The following SEC16A variants were observed in gnomAD, a reference collection of about 807,000 sequenced individuals.
The protein encoded by SEC16A is protein transport protein Sec16A.
A neutral mutation model predicts 221.9 loss-of-function variants in SEC16A; 110 were observed. That is an observed-to-expected ratio of 0.50 (90% confidence interval 0.42 to 0.58). The LOEUF is 0.58. Ranked by LOEUF, SEC16A falls within the 20% of genes least tolerant of loss-of-function variation. SEC16A has a pLI of 0.00. For missense variants in SEC16A, 3,165 were observed against 3,097.8 expected, an observed-to-expected ratio of 1.02 and a Z score of -0.52; for synonymous variants, 1,393 against 1,257.7, an observed-to-expected ratio of 1.11 and a Z score of -2.28.
chr9:136,473,996 A>G (rs1211088110), intron 3 of SEC16A, 53 bp downstream of exon 3: 1 of 1,534,288 alleles, frequency 6.5e-7, no homozygotes, highest in Non-Finnish European at 8.8e-7. Flanking sequence ...GTGAGACTCA[A>G]CTGGTCAAAG....
At chr9:136,481,234 C>A (rs1487269268) in intron 1 of SEC16A, among the ~76,000 whole-genome samples, 1 of 143,704 alleles carries the variant, frequency 7.0e-6, no homozygotes, top group Non-Finnish European at 1.5e-5. Context: ...CCCCGGGGTT[C>A]ACGCCATTCT....
chr9:136,481,123 TTTA>T (rs1842273313), intron 1 of SEC16A, among the ~76,000 whole-genome samples: 1 of 146,464 alleles, frequency 6.8e-6, no homozygotes, highest in African/African-American at 2.5e-5. Context: ...TACAGGGAAT[TTTA>T]TTCTTTTTTT....
rs2131725039 is a variant in SEC16A, at chr9:136,443,866, G to A, written c.6962C>T (p.Pro2321Leu). The change falls in exon 31 of 32, where the codon CCC becomes CTC. Residue 2321 changes from proline (P) to leucine (L), a missense_variant. Physicochemically the swap from Pro to Leu is moderately conservative, Grantham distance 98. This residue lies in a region of SEC16A where 1,088 missense variants were observed against 1,089.6 expected (regional missense o/e 1.00). Coordinates refer to ENST00000684901, the MANE Select transcript of SEC16A (RefSeq NM_014866.2). ...GTTGTAGAAGGGCATGGCCCCGCTG[G>A]GAGGGCCCCCTGCAGCAGGGAGGTC... ...PGDLPAAGGP[P>L]SGAMPFYNPA... 6.2e-7 allele frequency: 1 copy of A among 1,611,520 alleles called. No homozygotes were observed. The highest frequency in any genetic ancestry group is 8.5e-7 in the Non-Finnish European group (1 of 1,178,954).
chr9:136,446,449 T>A (rs1027209251), intron 28 of SEC16A, among the ~76,000 whole-genome samples: 1 of 150,408 alleles, frequency 6.6e-6, no homozygotes, highest in African/African-American at 2.4e-5. Context: ...CATTTGTTTT[T>A]TGTTTTTTTT....
At chr9:136,472,314 C>T (rs969573222) in intron 3 of SEC16A, among the ~76,000 whole-genome samples, 1 of 152,256 alleles carries the variant, frequency 6.6e-6, no homozygotes, top group Non-Finnish European at 1.5e-5. Flanking sequence ...CCCTCATACA[C>T]AACCACACAG....
intron 13 of SEC16A, among the ~76,000 whole-genome samples, chr9:136,460,628 A>G (rs1839351613): frequency 6.6e-6 from 1 of 150,592 alleles, no homozygotes; most frequent in Non-Finnish European, 1.5e-5. Flanking sequence ...GTAAAAGATA[A>G]GGCCAGGTAT....
intron 17 of SEC16A, 135 bp downstream of exon 17, chr9:136,458,999 C>G: frequency 1.8e-6 from 1 of 557,240 alleles, no homozygotes. Context: ...GATCAAATGT[C>G]TTCTCAAGAT....
rs993013345 is a variant in SEC16A, at chr9:136,452,767, G to C, written c.6159+661C>G. Reference sequence around the variant, plus strand: ...GGCGACAGAGCGAAACTATGTCTTAGGGAAAAAAAAAAAAAAAAAAAAAGG... The same window carrying C: ...GGCGACAGAGCGAAACTATGTCTTACGGAAAAAAAAAAAAAAAAAAAAAGG... On this transcript the variant is annotated intron_variant, in intron 22 of 31. Transcript: ENST00000684901. 5.9e-5 allele frequency among the ~76,000 whole-genome samples: 5 copies of C among 85,328 alleles called. No homozygotes were observed. The Admixed American group carries it at 7.7e-4, about 13-fold the overall frequency. 56.0% of individuals were successfully genotyped at this position (85,328 alleles called of 152,430 possible).
At chr9:136,454,797 G>A (rs538675601) in intron 20 of SEC16A, among the ~76,000 whole-genome samples, 9 of 152,368 alleles carry the variant, frequency 5.9e-5, no homozygotes, top group Admixed American at 2.0e-4. Context: ...CATGGGGGTC[G>A]GGACAGATGA....
Position 136,476,146 on chromosome 9 carries a change from C to A in SEC16A, c.1470G>T (p.Gly490=), listed in dbSNP as rs753066804. The A allele has an allele frequency of 1.2e-6, 2 of 1,613,700 alleles. No homozygotes were observed. The highest frequency in any genetic ancestry group is 2.7e-5 in the African/African-American group (2 of 74,918). Residue 490 remains glycine (G), a synonymous_variant, in exon 3 of 32, where the codon GGG becomes GGT. Transcript: ENST00000684901. ...PSSPSDQFRY[G]PLPGPAVPRH... ...TGGGCACAGCTGGCCCAGGAAGGGGCCCATATCTGAACTGGTCACTCGGGG... is the reference window on the plus strand; with the variant it reads ...TGGGCACAGCTGGCCCAGGAAGGGGACCATATCTGAACTGGTCACTCGGGG...
rs755766327 is a variant in SEC16A, at chr9:136,466,451, C to G, written c.3941G>C (p.Arg1314Pro). 6.2e-7 allele frequency: 1 copy of G among 1,604,388 alleles called. No individual in the cohort carries two copies. The highest frequency in any genetic ancestry group is 8.5e-7 in the Non-Finnish European group (1 of 1,175,352). Residue 1314 changes from arginine to proline, a missense_variant, in exon 7 of 32, where the codon CGT becomes CCT. Arg to Pro is a moderately radical substitution (Grantham distance 103, BLOSUM62 -2). Coordinates refer to ENST00000684901, the MANE Select transcript of SEC16A (RefSeq NM_014866.2). The surrounding 1 kb of genome is among the most constrained non-coding windows in gnomAD (Gnocchi z 5.5). ...AGGATCGTACCTCCAGTTGTTGTCA[C>G]GTTTCTCGGGCCTAGAGGAAGCCGG... ...HSAFGDRPEK[R>P]DNNWRYDPRF...
At position 136,445,633 on chromosome 9, in the gene SEC16A, G is replaced by T; in HGVS notation, c.6867+12C>A. 1 of 1,547,424 alleles carries T rather than the reference G, an allele frequency of 6.5e-7. No individual in the cohort carries two copies. The highest frequency in any genetic ancestry group is 1.4e-5 in the African/African-American group (1 of 73,038). On this transcript the variant is annotated intron_variant, in intron 29 of 31. Coordinates refer to ENST00000684901, the MANE Select transcript of SEC16A (RefSeq NM_014866.2). Reference sequence around the variant, plus strand: ...CTGGGCTGCGGGGGGCCCTGGCGTCGGCACTCCTTACCTCTCCTCCCTGGG... The same window carrying T: ...CTGGGCTGCGGGGGGCCCTGGCGTCTGCACTCCTTACCTCTCCTCCCTGGG...
At chr9:136,444,890 A>AC (rs1836733264) in intron 30 of SEC16A, among the ~76,000 whole-genome samples, 162 bp downstream of exon 30, 1 of 151,886 alleles carries the variant, frequency 6.6e-6, no homozygotes, top group South Asian at 2.1e-4. Context: ...AAAAAAAAAA[A>AC]AAAAAAAAAA....
At chr9:136,483,155 C>G (rs536513754), upstream of SEC16A, 7 of 352,808 alleles carry the variant, frequency 2.0e-5, no homozygotes, top group South Asian at 7.8e-4. Context: ...TCTCTTTCAG[C>G]CCTTCACAGC....
At position 136,477,843 on chromosome 9, in the gene SEC16A, C is replaced by T. The variant is rs528601541; in HGVS notation, c.-69-159G>A. On this transcript the variant is annotated intron_variant, in intron 2 of 31. Coordinates refer to ENST00000684901, the MANE Select transcript of SEC16A (RefSeq NM_014866.2). Reference sequence around the variant, plus strand: ...CTACACCCCACCCCAGCAGAGAACACCTGTCCCTGAGGAACTGTTCTGGGG... The same window carrying T: ...CTACACCCCACCCCAGCAGAGAACATCTGTCCCTGAGGAACTGTTCTGGGG... Among the ~76,000 whole-genome samples, 9 of 152,300 alleles carry T rather than the reference C, an allele frequency of 5.9e-5. No individual in the cohort carries two copies. In the South Asian group the frequency reaches 1.7e-3, roughly 28 times the overall value.
At chr9:136,455,284 G>C (rs773782211) in intron 20 of SEC16A, among the ~76,000 whole-genome samples, 1 of 152,194 alleles carries the variant, frequency 6.6e-6, no homozygotes, top group African/African-American at 2.4e-5. Flanking sequence ...GCCCAGACAC[G>C]GTGCGGCTGA....
At position 136,441,769 on chromosome 9, in the gene SEC16A, G is replaced by A. The variant is rs764783864; in HGVS notation, c.7060C>T (p.Leu2354=). 3.1e-6 allele frequency: 5 copies of A among 1,613,452 alleles called. No homozygotes were observed. In the South Asian group the frequency reaches 5.5e-5, roughly 18 times the overall value. ...RLGRIGQRKH[L]VLN is the part of the protein sequence containing the mutation. ...GCAGGGCAAGCCTAGTTCAGCACCA[G>A]GTGCTTCCTCTGGCCAATCCTCCCT... Residue 2354 remains leucine (L), a synonymous_variant, in exon 32 of 32, where the codon CTG becomes TTG. Transcript: ENST00000684901.
In SEC16A at chr9:136,447,445, G is replaced by C. The variant is rs1344459657; in HGVS notation, c.6560-81C>G. 1.3e-5 allele frequency: 20 copies of C among 1,571,158 alleles called. No individual in the cohort carries two copies. The South Asian group carries it at 2.2e-4, about 17-fold the overall frequency. ...CAAATGCTCTGCGCTCACTGCGTCAGAGGAAAAGCACGCAGGGACGTGCGG... is the reference window on the plus strand; with the variant it reads ...CAAATGCTCTGCGCTCACTGCGTCACAGGAAAAGCACGCAGGGACGTGCGG... On this transcript the variant is annotated intron_variant, in intron 26 of 31. Transcript: ENST00000684901. This position sits in a 1 kb window ranked among gnomAD's most constrained non-coding sequence, Gnocchi z 5.5.
Position 136,457,600 on chromosome 9 carries a change from C to T in SEC16A, c.5410-16G>A, listed in dbSNP as rs773399040. On this transcript the variant is annotated splice_polypyrimidine_tract_variant and intron_variant, in intron 17 of 31. Coordinates refer to ENST00000684901, the MANE Select transcript of SEC16A (RefSeq NM_014866.2). ...ACTTAAACACCTGAAACGACAGAAGCCTTGCTGCCCTGCGGCTCCCCCGCG... is the reference window on the plus strand; with the variant it reads ...ACTTAAACACCTGAAACGACAGAAGTCTTGCTGCCCTGCGGCTCCCCCGCG... 1 of 1,603,012 alleles carries T rather than the reference C, an allele frequency of 6.2e-7. No homozygotes were observed. Among genetic ancestry groups the T allele is most frequent in the Admixed American group, 1.7e-5 (1 of 58,942 alleles).
Sources: gnomAD v4.1 joint callset for allele counts (sites outside exome capture counted in the v4.1 genomes callset) on GRCh38, gnomAD v4.1.1 for gene constraint, gnomAD v4.1.1 regional missense constraint, Gnocchi (gnomAD v3.1) non-coding constraint, MANE v1.5 for transcripts, NCBI Gene and HGNC (gene_info 2026-07-23, HGNC 2026-07-21) for gene names.